PALLD: variants seen among roughly 807,000 people sequenced by gnomAD.
PALLD encodes palladin.
In PALLD, 61 loss-of-function variants were observed where a neutral mutation model predicts 123.5. The ratio of observed to expected loss-of-function variants is 0.49; its 90% CI spans 0.40 to 0.61. The LOEUF is 0.61. PALLD is among the 20% of genes least tolerant of loss of function. The pLI, the probability that PALLD is intolerant of heterozygous loss-of-function variation, is 0.00. For synonymous variants in PALLD, 465 were observed against 496.4 expected, an observed-to-expected ratio of 0.94 and a Z score of 0.84; for missense variants, 1,273 against 1,377.0, an observed-to-expected ratio of 0.92 and a Z score of 1.20.
rs141516496 is a variant in PALLD at position 168,830,349 on chromosome 4, A to C, written c.1965-60573A>C. Among the ~76,000 whole-genome samples the C allele has an allele frequency of 5.7e-4, 82 of 143,274 alleles. 1 individual carries two copies. In the East Asian group the frequency reaches 0.015, roughly 26 times the overall value. The allele number at this position is 143,274 out of a possible 152,430, so 94.0% of individuals were successfully genotyped here. A position where few individuals can be genotyped will look rare whatever the true frequency, so the allele number is the denominator to read the frequency against. The stretch of plus-strand genomic sequence containing the variant: ...AGACCAGCCTGGACAACATAGCGAG[A>C]CGTTGTCTTGAACAAAAAAAAATGT... On this transcript the variant is annotated intron_variant, in intron 10 of 21. Coordinates refer to ENST00000505667, the MANE Select transcript of PALLD (RefSeq NM_001166108.2).
chr4:168,737,655 G>A (rs1331576276), intron 10 of PALLD, among the ~76,000 whole-genome samples: 1 of 152,148 alleles, frequency 6.6e-6, no homozygotes, highest in African/African-American at 2.4e-5. Flanking sequence ...CCATGAAGGT[G>A]TGGCAGTTTT....
chr4:168,717,351 GT>G (rs200590558), intron 10 of PALLD, among the ~76,000 whole-genome samples: 1 of 150,050 alleles, frequency 6.7e-6, no homozygotes, highest in Admixed American at 6.6e-5. Flanking sequence ...TTGTTTTTTT[GT>G]TTTTTTTTGA....
At chr4:168,830,410 G>A (rs1206201217) in intron 10 of PALLD, among the ~76,000 whole-genome samples, 1 of 151,782 alleles carries the variant, frequency 6.6e-6, no homozygotes, top group East Asian at 1.9e-4. Context: ...CGTGCCTGTA[G>A]CCCTAGTTAC....
chr4:168,682,925 C>G (rs1158083576), intron 4 of PALLD, 73 bp from the exon 5 acceptor site: 1 of 837,378 alleles, frequency 1.2e-6, no homozygotes, highest in Non-Finnish European at 2.0e-6. Flanking sequence ...GGAATTATTT[C>G]TGCTAAAAAA....
intron 10 of PALLD, chr4:168,833,056 A>T (rs574825357): frequency 6.6e-6 from 1 of 152,358 alleles, no homozygotes; most frequent in South Asian, 2.1e-4. Flanking sequence ...GCTGGAGCGC[A>T]GGGCTCTAGG....
At chr4:168,776,631 G>T (rs1417999360) in intron 10 of PALLD, among the ~76,000 whole-genome samples, 1 of 152,134 alleles carries the variant, frequency 6.6e-6, no homozygotes, top group Non-Finnish European at 1.5e-5. Flanking sequence ...TGTTAGCTGT[G>T]GTTCTTCAGA....
At chr4:168,814,113 A>G (rs1741575033) in intron 10 of PALLD, among the ~76,000 whole-genome samples, 1 of 152,230 alleles carries the variant, frequency 6.6e-6, no homozygotes, top group African/African-American at 2.4e-5. Flanking sequence ...CATTTTTGAG[A>G]CGTTCCAAAC....
At chr4:168,827,348 C>A (rs192734214) in intron 10 of PALLD, among the ~76,000 whole-genome samples, 1 of 152,174 alleles carries the variant, frequency 6.6e-6, no homozygotes, top group Non-Finnish European at 1.5e-5. Flanking sequence ...CTTTAGAATA[C>A]CCACATTTTG....
chr4:168,670,649 C>T (rs1332560673), intron 3 of PALLD, among the ~76,000 whole-genome samples: 9 of 148,276 alleles, frequency 6.1e-5, no homozygotes, highest in Admixed American at 4.7e-4. Context: ...AGGAGAATTG[C>T]GTGAACCCGG....
chr4:168,898,964 A>C (rs577050591), intron 14 of PALLD, among the ~76,000 whole-genome samples: 10 of 152,308 alleles, frequency 6.6e-5, no homozygotes, highest in Non-Finnish European at 1.5e-4. Context: ...TCACACACCT[A>C]TATCATTTAT....
chr4:168,522,373 T>G (rs1450705932), intron 2 of PALLD, among the ~76,000 whole-genome samples: 1 of 152,260 alleles, frequency 6.6e-6, no homozygotes, highest in Non-Finnish European at 1.5e-5. Flanking sequence ...AGGAAAAGGA[T>G]GTGCTTTTCG....
At chr4:168,682,874 T>A in intron 4 of PALLD, 124 bp from the exon 5 acceptor site, 6 of 641,164 alleles carry the variant, frequency 9.4e-6, no homozygotes, top group South Asian at 1.7e-5. Context: ...GCGGATTGCG[T>A]ATACAAAAAG....
chr4:168,558,951 A>G lies in PALLD; in HGVS notation c.908+46539A>G, dbSNP rs180676495. Among the ~76,000 whole-genome samples the G allele has an allele frequency of 3.5e-3, 538 of 152,336 alleles. 2 individuals are homozygous for G. The highest frequency in any genetic ancestry group is 5.9e-3 in the Non-Finnish European group (404 of 68,018). On this transcript the variant is annotated intron_variant, in intron 2 of 21. Transcript: ENST00000505667. ...ATTATAATGTAACTTTCCACATAGCAATTGAAATCACAGACTGAGAGGTTA... is the reference window on the plus strand; with the variant it reads ...ATTATAATGTAACTTTCCACATAGCGATTGAAATCACAGACTGAGAGGTTA...
intron 2 of PALLD, among the ~76,000 whole-genome samples, chr4:168,545,109 C>A (rs1766014141): frequency 6.6e-6 from 1 of 152,172 alleles, no homozygotes; most frequent in Non-Finnish European, 1.5e-5. Flanking sequence ...AGACTGAAAT[C>A]ATTTCCTCAT....
intron 10 of PALLD, chr4:168,864,615 A>G (rs1054657368): frequency 1.3e-5 from 2 of 152,228 alleles, no homozygotes; most frequent in Non-Finnish European, 2.9e-5. Context: ...ATTCTGGTGT[A>G]TATACTACTT....
At chr4:168,643,511 A>C (rs1777153275) in intron 2 of PALLD, among the ~76,000 whole-genome samples, 1 of 152,152 alleles carries the variant, frequency 6.6e-6, no homozygotes, top group East Asian at 1.9e-4. Context: ...TACCAATATG[A>C]GTATCTACCC....
At chr4:168,721,469 C>T (rs1332653630) in intron 10 of PALLD, among the ~76,000 whole-genome samples, 1 of 151,910 alleles carries the variant, frequency 6.6e-6, no homozygotes, top group Admixed American at 6.6e-5. Context: ...AAAAATAATA[C>T]ACTTTAACCA....
At chr4:168,914,080 A>G (rs1759611307) in intron 16 of PALLD, 59 bp downstream of exon 16, 6 of 1,018,176 alleles carry the variant, frequency 5.9e-6, no homozygotes, top group East Asian at 2.5e-5. Flanking sequence ...CTATAAATGT[A>G]GTACTATTAG....
At chr4:168,727,649 T>A (rs141378480) in intron 10 of PALLD, among the ~76,000 whole-genome samples, 2,491 of 152,314 alleles carry the variant, frequency 0.016, 35 homozygotes, top group Middle Eastern at 0.034. Flanking sequence ...TTTCTCCCAT[T>A]CTGTAGGTTG....
Sources: allele counts gnomAD v4.1 joint callset (sites outside exome capture counted in the v4.1 genomes callset), GRCh38; gene constraint gnomAD v4.1.1; transcripts MANE v1.5; gene names NCBI Gene and HGNC (gene_info 2026-07-23, HGNC 2026-07-21).